Variants in CACNA2D3 observed in about 807,000 individuals in gnomAD.
CACNA2D3 encodes the protein voltage-dependent calcium channel subunit alpha-2/delta-3.
CACNA2D3 carries 60 observed loss-of-function variants against 160.6 expected under a neutral mutation model. That is an observed-to-expected ratio of 0.37 (90% CI 0.30 to 0.46). The LOEUF (loss-of-function observed/expected upper bound fraction) is 0.46, where lower values mean the gene tolerates loss of function less well. CACNA2D3 is among the 20% of genes least tolerant of loss of function. The pLI is 1.00. For missense variants in CACNA2D3, 1,205 were observed against 1,365.0 expected, an observed-to-expected ratio of 0.88 and a Z score of 1.85; for synonymous variants, 558 against 492.9, an observed-to-expected ratio of 1.13 and a Z score of -1.75.
rs536464147 is a variant in CACNA2D3, at chr3:54,489,865, T to C, written c.382-13627T>C. ...TAAAGGAACTGTGACACTTGGGGGA[T>C]TATAAATGAGTTAATACTTAGAAAT... is the stretch of plus-strand genomic sequence containing the variant. On this transcript the variant is annotated intron_variant, in intron 4 of 37. Transcript: ENST00000474759. 2.0e-4 allele frequency among the ~76,000 whole-genome samples: 30 copies of C among 152,300 alleles called. 2 individuals are homozygous for C. In the South Asian group the frequency reaches 6.2e-3, roughly 32 times the overall value.
chr3:54,465,647 C>G (rs538283298), intron 4 of CACNA2D3, among the ~76,000 whole-genome samples: 3 of 152,304 alleles, frequency 2.0e-5, no homozygotes, highest in Admixed American at 1.3e-4. Flanking sequence ...AACCCTCTAG[C>G]ACACAGCCAT....
In CACNA2D3 at chr3:54,832,538, C is replaced by T. The variant is rs553016814; in HGVS notation, c.1399-4621C>T. ...AAAGCAATGGAATGAAATCACTCTGCGGCAGACTACTTTCTCCTGCGTTTG... is the reference window on the plus strand; with the variant it reads ...AAAGCAATGGAATGAAATCACTCTGTGGCAGACTACTTTCTCCTGCGTTTG... On this transcript the variant is annotated intron_variant, in intron 14 of 37. Transcript: ENST00000474759. 3.3e-5 allele frequency among the ~76,000 whole-genome samples: 5 copies of T among 152,338 alleles called. No individual in the cohort carries two copies. In the South Asian group the frequency reaches 1.0e-3, roughly 32 times the overall value.
At chr3:54,461,153 T>G (rs558790198) in intron 4 of CACNA2D3, among the ~76,000 whole-genome samples, 19 of 152,256 alleles carry the variant, frequency 1.2e-4, no homozygotes, top group South Asian at 2.1e-4. Context: ...ATAAGCTTTT[T>G]GATGTGCTGC....
chr3:54,632,540 C>A (rs1699264086), intron 10 of CACNA2D3: 2 of 152,202 alleles, frequency 1.3e-5, no homozygotes, highest in Admixed American at 6.5e-5. Flanking sequence ...GTTTTTTCTT[C>A]TGCAGTAAGG....
chr3:54,357,713 A>G (rs181937773), intron 3 of CACNA2D3, among the ~76,000 whole-genome samples: 24 of 152,368 alleles, frequency 1.6e-4, no homozygotes, highest in Admixed American at 6.5e-4. Flanking sequence ...GGTACTGCAG[A>G]CAATGGAATG....
At chr3:54,287,494 A>G (rs1387626142) in intron 2 of CACNA2D3, among the ~76,000 whole-genome samples, 9 of 150,406 alleles carry the variant, frequency 6.0e-5, no homozygotes, top group African/African-American at 2.0e-4. Flanking sequence ...TTAACACCCC[A>G]CTGTCAACAT....
intron 2 of CACNA2D3, among the ~76,000 whole-genome samples, chr3:54,253,841 C>T (rs781110696): frequency 1.2e-4 from 18 of 152,046 alleles, no homozygotes; most frequent in Non-Finnish European, 2.1e-4. Context: ...CATCTCGGCT[C>T]GCTGCAACCT....
chr3:54,643,060 G>T (rs1408173465), intron 11 of CACNA2D3, among the ~76,000 whole-genome samples: 1 of 152,212 alleles, frequency 6.6e-6, no homozygotes, highest in Non-Finnish European at 1.5e-5. Flanking sequence ...AGACATCAAA[G>T]TGGGTGCTCT....
chr3:54,404,551 C>T (rs1256545411), intron 4 of CACNA2D3, among the ~76,000 whole-genome samples: 1 of 152,130 alleles, frequency 6.6e-6, no homozygotes, highest in Non-Finnish European at 1.5e-5. Context: ...AAACTGAAAG[C>T]TTTTCTTTTA....
intron 16 of CACNA2D3, among the ~76,000 whole-genome samples, chr3:54,839,385 C>T (rs1698771397): frequency 6.6e-6 from 1 of 152,168 alleles, no homozygotes. Context: ...AGGCACAACC[C>T]AGGCACACAG....
intron 11 of CACNA2D3, among the ~76,000 whole-genome samples, chr3:54,687,115 C>CTTTTTTTTTTTTTT (rs1338617031): frequency 2.4e-4 from 10 of 40,912 alleles, no homozygotes; most frequent in Non-Finnish European, 4.1e-4. Context: ...TTTTCTTTTT[C>CTTTTTTTTTTTTTT]TTTTTCTTTT....
chr3:54,684,121 C>T lies in CACNA2D3; in HGVS notation c.1167+41880C>T, dbSNP rs535423672. On this transcript the variant is annotated intron_variant, in intron 11 of 37. Transcript: ENST00000474759. ...GAGTAGCACACGCCGCAACCATGCC[C>T]GGCTAATTTTTGTATTTTTAGTAGA... Among the ~76,000 whole-genome samples the T allele has an allele frequency of 7.9e-5, 12 of 152,068 alleles. No homozygotes were observed. The South Asian group carries it at 8.3e-4, about 11-fold the overall frequency.
At chr3:54,519,882 T>C (rs1396625139) in intron 5 of CACNA2D3, among the ~76,000 whole-genome samples, 1 of 152,226 alleles carries the variant, frequency 6.6e-6, no homozygotes, top group Non-Finnish European at 1.5e-5. Context: ...CTTGGTTGGT[T>C]GAAAAGCACA....
intron 27 of CACNA2D3, among the ~76,000 whole-genome samples, chr3:54,936,943 A>G (rs1407966704): frequency 1.3e-5 from 2 of 152,174 alleles, no homozygotes; most frequent in Non-Finnish European, 2.9e-5. Flanking sequence ...GATGTTTATA[A>G]GTTCCTATCC....
chr3:54,926,505 TACACACACACACACACAC>T (rs36205023), intron 27 of CACNA2D3, among the ~76,000 whole-genome samples: 108 of 143,408 alleles, frequency 7.5e-4, no homozygotes, highest in East Asian at 1.7e-3. Flanking sequence ...GCCTGTCAAA[TACACACACACACACACAC>T]ACACACACAC....
intron 13 of CACNA2D3, among the ~76,000 whole-genome samples, chr3:54,791,310 G>C (rs1195122975): frequency 2.0e-5 from 3 of 152,186 alleles, no homozygotes; most frequent in African/African-American, 7.2e-5. Flanking sequence ...AGGGTTCCCA[G>C]AGGGTGTAAG....
chr3:54,477,906 A>G (rs1438960177), intron 4 of CACNA2D3, among the ~76,000 whole-genome samples: 3 of 152,172 alleles, frequency 2.0e-5, no homozygotes, highest in Non-Finnish European at 4.4e-5. Flanking sequence ...AGGGCAGGAT[A>G]TTCACTTGGG....
intron 27 of CACNA2D3, among the ~76,000 whole-genome samples, chr3:54,921,722 C>T (rs1008989597): frequency 6.6e-6 from 1 of 152,054 alleles, no homozygotes. Flanking sequence ...ATAAACTTGG[C>T]GACATCACAA....
At chr3:54,155,069 A>G (rs923095766) in intron 2 of CACNA2D3, among the ~76,000 whole-genome samples, 10 of 152,210 alleles carry the variant, frequency 6.6e-5, no homozygotes, top group African/African-American at 2.4e-4. Context: ...ATTAAATCCT[A>G]GCTGGTTATG....
Sources: gnomAD v4.1 joint callset for allele counts (sites outside exome capture counted in the v4.1 genomes callset) on GRCh38, gnomAD v4.1.1 for gene constraint, MANE v1.5 for transcripts, NCBI Gene and HGNC (gene_info 2026-07-23, HGNC 2026-07-21) for gene names.